The following CHN1 variants were observed in gnomAD, a reference collection of about 807,000 sequenced individuals.
CHN1 encodes the protein chimerin 1.
Under a neutral mutation model 59.5 loss-of-function variants are expected in CHN1, and 37 were observed. The ratio of observed to expected loss-of-function variants is 0.62; its 90% CI spans 0.48 to 0.82. The LOEUF is 0.82. Among genes scored for constraint, CHN1 ranks in the 40% least tolerant of loss-of-function variants. CHN1 has a pLI of 0.00. For synonymous variants in CHN1, 206 were observed against 200.4 expected (o/e 1.03, Z -0.24); for missense variants, 469 against 571.0 (o/e 0.82, Z 1.82).
chr2:174,876,287 A>G (rs990239998), intron 6 of CHN1, among the ~76,000 whole-genome samples: 1 of 152,238 alleles, frequency 6.6e-6, no homozygotes, highest in African/African-American at 2.4e-5. Context: ...ATGCATTAAC[A>G]AAGGTTTTCA....
chr2:174,886,022 T>C (rs772013456), intron 5 of CHN1, among the ~76,000 whole-genome samples: 4 of 152,214 alleles, frequency 2.6e-5, no homozygotes, highest in Non-Finnish European at 5.9e-5. Context: ...TAAAAGCTAA[T>C]TGAAATCTTA....
intron 7 of CHN1, among the ~76,000 whole-genome samples, chr2:174,832,852 A>C (rs184693148): frequency 1.5e-4 from 23 of 152,264 alleles, no homozygotes; most frequent in African/African-American, 5.5e-4. Flanking sequence ...CTAGGCTACA[A>C]ACCTGTACAG....
At chr2:174,821,766 C>A (rs754422315) in intron 8 of CHN1, 6 of 458,000 alleles carry the variant, frequency 1.3e-5, no homozygotes, top group Non-Finnish European at 2.7e-5. Flanking sequence ...TCTTGGACTT[C>A]CTGGCCTCCA....
At chr2:174,844,773 A>G (rs1219097454) in intron 7 of CHN1, among the ~76,000 whole-genome samples, 2 of 152,086 alleles carry the variant, frequency 1.3e-5, no homozygotes, top group East Asian at 1.9e-4. Context: ...TTTAAATAAC[A>G]GAGAGTAACT....
rs1684727370 is a variant in CHN1, at chr2:174,801,735, G to A, written c.1180C>T (p.Leu394Phe). 1.2e-6 allele frequency: 2 copies of A among 1,613,270 alleles called. No homozygotes were observed. The highest frequency in any genetic ancestry group is 1.7e-5 in the Admixed American group (1 of 59,992). Residue 394 changes from leucine to phenylalanine, a missense_variant, in exon 12 of 13, where the codon CTC (leucine) becomes TTC (phenylalanine). Leu to Phe is a conservative substitution (Grantham distance 22). Transcript: ENST00000409900. ...TTTAGATGTGCCATGAGGTACCGGA[G>A]GGTTTCGCAGTGAGCAGGTGGCAGT... ...KLLPPAHCET[L>F]RYLMAHLKRV... is the part of the protein sequence containing the mutation.
chr2:174,859,415 A>G (rs1461791389), intron 6 of CHN1, among the ~76,000 whole-genome samples: 1 of 152,180 alleles, frequency 6.6e-6, no homozygotes, highest in Non-Finnish European at 1.5e-5. Flanking sequence ...GCCTGATTCT[A>G]TAACCAGGTG....
At chr2:174,828,613 C>T (rs368793525) in intron 7 of CHN1, among the ~76,000 whole-genome samples, 30 of 152,252 alleles carry the variant, frequency 2.0e-4, no homozygotes, top group South Asian at 8.3e-4. Context: ...GTTTACTAGA[C>T]GTTGTTGTAT....
At chr2:174,938,471 T>C (rs1054873640) in intron 3 of CHN1, among the ~76,000 whole-genome samples, 4 of 152,174 alleles carry the variant, frequency 2.6e-5, no homozygotes, top group Admixed American at 2.6e-4. Flanking sequence ...CTAATCATTA[T>C]AATAATATTA....
At chr2:174,888,242 C>A (rs1687947259) in intron 5 of CHN1, among the ~76,000 whole-genome samples, 1 of 152,018 alleles carries the variant, frequency 6.6e-6, no homozygotes, top group African/African-American at 2.4e-5. Flanking sequence ...GAACCCTTGG[C>A]AAAATTTTGA....
At chr2:174,838,094 CTT>C (rs1050683201) in intron 7 of CHN1, among the ~76,000 whole-genome samples, 33 of 149,656 alleles carry the variant, frequency 2.2e-4, no homozygotes, top group African/African-American at 4.2e-4. Context: ...AAACCTCACT[CTT>C]TTTTTTTTCT....
rs766446776 is a variant in CHN1 at position 175,005,309 on chromosome 2, C to G, written c.-397G>C. ...CGGGGAGAGCAGCAGCAGCCTCGCACAGCCCCCGGCGGGGCGCGCTCACTC... is the reference window on the plus strand; with the variant it reads ...CGGGGAGAGCAGCAGCAGCCTCGCAGAGCCCCCGGCGGGGCGCGCTCACTC... On this transcript the variant is annotated 5_prime_UTR_variant, in exon 1 of 13. Coordinates refer to ENST00000409900, the MANE Select transcript of CHN1 (RefSeq NM_001822.7). 8.4e-7 allele frequency: 1 copy of G among 1,190,468 alleles called. No individual in the cohort carries two copies. The highest frequency in any genetic ancestry group is 1.7e-5 in the South Asian group (1 of 59,188). The allele number at this position is 1,190,468 out of a possible 1,614,324, so 73.7% of individuals were successfully genotyped here. A position where few individuals can be genotyped will look rare whatever the true frequency, so the allele number is the denominator to read the frequency against.
intron 8 of CHN1, among the ~76,000 whole-genome samples, chr2:174,816,579 G>C (rs1355219858): frequency 6.6e-6 from 1 of 152,052 alleles, no homozygotes; most frequent in South Asian, 2.1e-4. Flanking sequence ...GGGCTTCTCT[G>C]GTGCCCAGGC....
chr2:174,830,748 T>C (rs1193390145), intron 7 of CHN1, among the ~76,000 whole-genome samples: 3 of 152,140 alleles, frequency 2.0e-5, no homozygotes, highest in South Asian at 2.1e-4. Flanking sequence ...AGGGAGGCAC[T>C]AGGCGGCTGG....
intron 1 of CHN1, among the ~76,000 whole-genome samples, chr2:174,971,432 T>C (rs1464462573): frequency 1.3e-5 from 2 of 152,186 alleles, no homozygotes; most frequent in East Asian, 1.9e-4. Flanking sequence ...ATTCAGTAAA[T>C]AGCAACACAT....
At chr2:174,910,771 G>A (rs1448394656) in intron 5 of CHN1, among the ~76,000 whole-genome samples, 1 of 151,850 alleles carries the variant, frequency 6.6e-6, no homozygotes, top group African/African-American at 2.4e-5. Flanking sequence ...GCAGTGGCGG[G>A]CGCCTGTAGT....
chr2:174,912,029 T>C (rs1018177248), intron 5 of CHN1, among the ~76,000 whole-genome samples: 8 of 152,120 alleles, frequency 5.3e-5, no homozygotes, highest in Non-Finnish European at 7.4e-5. Flanking sequence ...CTGTGTGAGA[T>C]GAGCAACAAA....
chr2:174,897,163 G>C (rs1393195135), intron 5 of CHN1, among the ~76,000 whole-genome samples: 1 of 152,116 alleles, frequency 6.6e-6, no homozygotes, highest in Non-Finnish European at 1.5e-5. Flanking sequence ...ATTCAAAATG[G>C]ATGTTCCAGT....
chr2:174,929,097 G>C (rs1194566602), intron 3 of CHN1, among the ~76,000 whole-genome samples: 1 of 152,146 alleles, frequency 6.6e-6, no homozygotes, highest in Non-Finnish European at 1.5e-5. Flanking sequence ...TTCCTACCCA[G>C]TGCTACAGCA....
chr2:174,917,898 A>C, intron 4 of CHN1, among the ~76,000 whole-genome samples: 1 of 152,266 alleles, frequency 6.6e-6, no homozygotes, highest in African/African-American at 2.4e-5. Context: ...CTGTTTTTCA[A>C]TAACCTGAAA....
Sources: allele counts gnomAD v4.1 joint callset (sites outside exome capture counted in the v4.1 genomes callset), GRCh38; gene constraint gnomAD v4.1.1; transcripts MANE v1.5; gene names NCBI Gene and HGNC (gene_info 2026-07-23, HGNC 2026-07-21).